The following PTPRG variants were observed in gnomAD, a reference collection of about 807,000 sequenced individuals.
PTPRG encodes protein tyrosine phosphatase receptor type G, also known as receptor-type tyrosine-protein phosphatase gamma.
Under a neutral mutation model 165.3 loss-of-function variants are expected in PTPRG, and 102 were observed. The ratio of observed to expected loss-of-function variants is 0.62; its 90% CI spans 0.53 to 0.73. PTPRG has a LOEUF of 0.73. Among genes scored for constraint, PTPRG ranks in the 30% least tolerant of loss-of-function variants. The pLI, the probability that PTPRG is intolerant of heterozygous loss-of-function variation, is 0.00. For synonymous variants in PTPRG, 675 were observed against 669.5 expected, an observed-to-expected ratio of 1.01 and a Z score of -0.13; for missense variants, 1,866 against 1,861.4, an observed-to-expected ratio of 1.00 and a Z score of -0.05.
chr3:62,101,782 A>G (rs966495743), intron 5 of PTPRG, among the ~76,000 whole-genome samples: 2 of 152,248 alleles, frequency 1.3e-5, no homozygotes. Flanking sequence ...AACCACATAG[A>G]GCAAAAATAA....
chr3:61,749,751 G>C (rs1022309160), intron 2 of PTPRG: 3 of 153,112 alleles, frequency 2.0e-5, no homozygotes, highest in Non-Finnish European at 4.4e-5. Flanking sequence ...GCTTGAGTAA[G>C]ATAGACCACT....
intron 5 of PTPRG, among the ~76,000 whole-genome samples, chr3:62,116,542 G>A (rs924625055): frequency 2.6e-5 from 4 of 152,054 alleles, no homozygotes; most frequent in Admixed American, 6.6e-5. Flanking sequence ...CAGATATAAC[G>A]ACGAGTGAAA....
chr3:61,624,868 A>G (rs1358710865), intron 1 of PTPRG, among the ~76,000 whole-genome samples: 1 of 152,146 alleles, frequency 6.6e-6, no homozygotes, highest in Non-Finnish European at 1.5e-5. Flanking sequence ...AAAGGACCAC[A>G]AACTGGGAGG....
chr3:61,699,557 ATCT>A (rs1170261696), intron 1 of PTPRG, among the ~76,000 whole-genome samples: 1 of 152,158 alleles, frequency 6.6e-6, no homozygotes, highest in African/African-American at 2.4e-5. Context: ...TTTCTTTGTC[ATCT>A]TTTTTTCTGA....
At chr3:62,004,817 TAG>T (rs755230737) in intron 4 of PTPRG, among the ~76,000 whole-genome samples, 27 of 152,244 alleles carry the variant, frequency 1.8e-4, no homozygotes, top group Non-Finnish European at 1.5e-5. Flanking sequence ...TTTCAACTGT[TAG>T]AATTTCATAG....
chr3:61,944,295 G>T (rs1024378595), intron 2 of PTPRG, among the ~76,000 whole-genome samples: 1 of 152,212 alleles, frequency 6.6e-6, no homozygotes, highest in Non-Finnish European at 1.5e-5. Flanking sequence ...TGGATGTACA[G>T]TTTTCACATA....
intron 4 of PTPRG, among the ~76,000 whole-genome samples, chr3:62,069,325 A>C (rs2106720795): frequency 6.6e-6 from 1 of 152,308 alleles, no homozygotes; most frequent in South Asian, 2.1e-4. Flanking sequence ...ATCCGGTCTT[A>C]TTCTATAGCA....
At chr3:61,637,834 C>A (rs1009621087) in intron 1 of PTPRG, among the ~76,000 whole-genome samples, 9 of 152,138 alleles carry the variant, frequency 5.9e-5, no homozygotes, top group African/African-American at 1.7e-4. Context: ...CCAGCCCAGC[C>A]CTTTGAGAAC....
chr3:62,151,167 G>A (rs141382592), intron 6 of PTPRG, among the ~76,000 whole-genome samples: 18 of 152,262 alleles, frequency 1.2e-4, no homozygotes, highest in African/African-American at 3.9e-4. Context: ...AACAGAATCA[G>A]CCAGATATAA....
At position 61,689,451 on chromosome 3, in the gene PTPRG, G is replaced by A. The variant is rs985184668; in HGVS notation, c.86-59427G>A. On this transcript the variant is annotated intron_variant, in intron 1 of 29. Coordinates refer to ENST00000474889, the MANE Select transcript of PTPRG (RefSeq NM_002841.4). ...GGCATGTATGAATTTCACTTTGGAG[G>A]GAACAGAGTCTTGAGCAAGCACCTC... Among the ~76,000 whole-genome samples, 7 of 152,278 alleles carry A rather than the reference G, an allele frequency of 4.6e-5. No individual in the cohort carries two copies. The South Asian group carries it at 1.5e-3, about 32-fold the overall frequency.
chr3:61,701,034 G>A (rs2030924192), intron 1 of PTPRG, among the ~76,000 whole-genome samples: 2 of 152,114 alleles, frequency 1.3e-5, no homozygotes, highest in Non-Finnish European at 2.9e-5. Context: ...CTGGTTTTCT[G>A]GAAACCTATG....
intron 4 of PTPRG, among the ~76,000 whole-genome samples, chr3:62,044,730 C>G (rs1700235419): frequency 1.3e-5 from 2 of 151,994 alleles, no homozygotes; most frequent in Admixed American, 6.6e-5. Flanking sequence ...TATTAATATC[C>G]TTCTAATCTC....
intron 1 of PTPRG, among the ~76,000 whole-genome samples, chr3:61,683,458 G>A (rs1231548871): frequency 6.6e-6 from 1 of 152,094 alleles, no homozygotes; most frequent in African/African-American, 2.4e-5. Flanking sequence ...TAGGAAATAG[G>A]TGGTTCCCAT....
At chr3:62,234,598 G>A (rs1435731581) in intron 14 of PTPRG, among the ~76,000 whole-genome samples, 2 of 151,918 alleles carry the variant, frequency 1.3e-5, no homozygotes, top group African/African-American at 4.8e-5. Flanking sequence ...TGAACCATTT[G>A]TTTTTCTGTA....
intron 2 of PTPRG, among the ~76,000 whole-genome samples, chr3:61,897,702 G>T (rs951509980): frequency 3.3e-5 from 5 of 152,072 alleles, no homozygotes; most frequent in African/African-American, 1.2e-4. Flanking sequence ...TTGAGTCTAG[G>T]AACACACTGT....
chr3:62,092,474 C>T (rs1425448010), intron 5 of PTPRG, among the ~76,000 whole-genome samples: 1 of 146,164 alleles, frequency 6.8e-6, no homozygotes, highest in African/African-American at 2.6e-5. Context: ...AAGACAAGGA[C>T]CTTTGCTTGT....
intron 1 of PTPRG, among the ~76,000 whole-genome samples, chr3:61,673,336 T>TA (rs1220082820): frequency 6.6e-6 from 1 of 152,190 alleles, no homozygotes; most frequent in Admixed American, 6.5e-5. Flanking sequence ...AACTCTGTGT[T>TA]AGAGATTTTT....
In PTPRG at chr3:61,615,534, T is replaced by C. The variant is rs79322055; in HGVS notation, c.85+53162T>C. Among the ~76,000 whole-genome samples, 902 of 152,356 alleles carry C rather than the reference T, an allele frequency of 5.9e-3. 68 individuals are homozygous for C. The East Asian group carries it at 0.15, about 26-fold the overall frequency. On this transcript the variant is annotated intron_variant, in intron 1 of 29. Transcript: ENST00000474889. ...ACTTTGATCACTTGATAAGGCAGCA[T>C]CTGCCAGGCTTCCCCACTTAAACTT...
At chr3:61,836,734 T>C (rs960859936) in intron 2 of PTPRG, among the ~76,000 whole-genome samples, 1 of 25,230 alleles carries the variant, frequency 4.0e-5, no homozygotes, top group South Asian at 1.5e-3. Context: ...GTTGTTGTTG[T>C]TGTTTTTTGT....
Sources: allele counts gnomAD v4.1 joint callset (sites outside exome capture counted in the v4.1 genomes callset), GRCh38; gene constraint gnomAD v4.1.1; transcripts MANE v1.5; gene names NCBI Gene and HGNC (gene_info 2026-07-23, HGNC 2026-07-21).